Variants in BSDC1 observed in about 807,000 individuals in gnomAD.
BSDC1 encodes the protein BSD domain-containing protein 1.
Under a neutral mutation model 56.0 loss-of-function variants are expected in BSDC1, and 29 were observed. That is an observed-to-expected ratio of 0.52 (90% confidence interval 0.39 to 0.71). BSDC1 has a LOEUF of 0.71. Among genes scored for constraint, BSDC1 ranks in the 30% least tolerant of loss-of-function variants. BSDC1 has a pLI of 0.00. For missense variants in BSDC1, 477 were observed against 548.5 expected, an observed-to-expected ratio of 0.87 and a Z score of 1.30; for synonymous variants, 210 against 215.3, an observed-to-expected ratio of 0.98 and a Z score of 0.21.
chr1:32,382,467 AAAAAAAC>A (rs937220677), intron 4 of BSDC1, among the ~76,000 whole-genome samples: 47 of 151,604 alleles, frequency 3.1e-4, no homozygotes, highest in African/African-American at 6.3e-4. Flanking sequence ...CTATTTCAAA[AAAAAAAC>A]AAAAAACAAA....
intron 8 of BSDC1, among the ~76,000 whole-genome samples, chr1:32,377,149 A>G (rs1487005362): frequency 2.0e-5 from 3 of 152,102 alleles, no homozygotes; most frequent in Non-Finnish European, 4.4e-5. Flanking sequence ...ACGAAAAAAA[A>G]AAGACTCAAT....
intron 4 of BSDC1, 71 bp downstream of exon 4, chr1:32,383,759 G>A (rs1642567941): frequency 1.4e-6 from 2 of 1,454,868 alleles, no homozygotes; most frequent in Non-Finnish European, 9.6e-7. Context: ...CTGCTTTTGT[G>A]AGTACAGGAT....
intron 8 of BSDC1, among the ~76,000 whole-genome samples, chr1:32,377,092 C>A (rs531072068): frequency 6.6e-6 from 1 of 152,008 alleles, no homozygotes. Context: ...GCGGAGATTG[C>A]GCCACTGCAC....
rs1396422749 is a variant in BSDC1, at chr1:32,365,460, T to C, written c.*1162A>G. The C allele has an allele frequency of 6.6e-6, 1 of 152,090 alleles. No homozygotes were observed. The highest frequency in any genetic ancestry group is 1.5e-5 in the Non-Finnish European group (1 of 67,922). The allele number at this position is 152,090 out of a possible 1,614,324, so 9.4% of individuals were successfully genotyped here. On this transcript the variant is annotated 3_prime_UTR_variant, in exon 11 of 11. Coordinates refer to ENST00000455895, the MANE Select transcript of BSDC1 (RefSeq NM_018045.8). Reference sequence around the variant, plus strand: ...CTCGGTGTCCCTGACCCACGATCCCTTTCACTCATTGGTGAGCACACCAGA... The same window carrying C: ...CTCGGTGTCCCTGACCCACGATCCCCTTCACTCATTGGTGAGCACACCAGA...
At chr1:32,381,190 AC>A in intron 5 of BSDC1, 23 bp downstream of exon 5, 2 of 1,613,122 alleles carry the variant, frequency 1.2e-6, no homozygotes, top group Non-Finnish European at 1.7e-6. Context: ...CTACAAGCCC[AC>A]CCGCTCAGTG....
intron 2 of BSDC1, among the ~76,000 whole-genome samples, chr1:32,389,313 C>T (rs1231232335): frequency 1.3e-5 from 2 of 152,164 alleles, no homozygotes; most frequent in Non-Finnish European, 2.9e-5. Flanking sequence ...AACACAGGTC[C>T]TATGTGTTTT....
chr1:32,374,948 C>T (rs1570116445), intron 9 of BSDC1, among the ~76,000 whole-genome samples: 5 of 152,148 alleles, frequency 3.3e-5, no homozygotes, highest in Admixed American at 6.5e-5. Flanking sequence ...GTCAGGAGAT[C>T]GAGACCATCC....
At chr1:32,387,039 C>T (rs111613530) in intron 2 of BSDC1, 144 bp from the exon 3 acceptor site, 1 of 655,134 alleles carries the variant, frequency 1.5e-6, no homozygotes. Flanking sequence ...GCTCATTTGT[C>T]CCAATTCCAT....
intron 8 of BSDC1, among the ~76,000 whole-genome samples, chr1:32,377,350 T>C (rs1642328662): frequency 6.6e-6 from 1 of 152,134 alleles, no homozygotes; most frequent in African/African-American, 2.4e-5. Context: ...CTCTGCTACA[T>C]CCTAGGTGTA....
At chr1:32,367,666 T>C in intron 10 of BSDC1, 1 of 985,680 alleles carries the variant, frequency 1.0e-6, no homozygotes, top group South Asian at 4.7e-5. Flanking sequence ...AGCCTCTCAA[T>C]CTAAATGAGC....
At chr1:32,389,955 A>G (rs1265627922) in intron 2 of BSDC1, among the ~76,000 whole-genome samples, 2 of 149,898 alleles carry the variant, frequency 1.3e-5, no homozygotes, top group Non-Finnish European at 1.5e-5. Flanking sequence ...TCTGGGTAAC[A>G]GAGTGAGACC....
At chr1:32,392,403 T>C (rs1268636651) in intron 2 of BSDC1, among the ~76,000 whole-genome samples, 3 of 152,070 alleles carry the variant, frequency 2.0e-5, no homozygotes, top group Non-Finnish European at 4.4e-5. Flanking sequence ...AAAGGGAAAT[T>C]ACGTCTTTTC....
At chr1:32,367,481 C>T in intron 10 of BSDC1, 1 of 985,396 alleles carries the variant, frequency 1.0e-6, no homozygotes, top group Non-Finnish European at 1.2e-6. Flanking sequence ...AAAAAGGAGG[C>T]CCTTCACATG....
chr1:32,394,024 T>C (rs911403315), intron 2 of BSDC1, 56 bp downstream of exon 2: 6 of 1,561,094 alleles, frequency 3.8e-6, no homozygotes, highest in Non-Finnish European at 3.5e-6. Flanking sequence ...TGGACCAGGT[T>C]GCATTGAGGC....
intron 2 of BSDC1, among the ~76,000 whole-genome samples, chr1:32,392,727 T>G (rs1375592259): frequency 6.6e-6 from 1 of 152,192 alleles, no homozygotes; most frequent in Non-Finnish European, 1.5e-5. Flanking sequence ...GGGCTATTGC[T>G]GAGAGGCTGT....
intron 2 of BSDC1, among the ~76,000 whole-genome samples, chr1:32,390,845 A>G (rs1642842552): frequency 6.6e-6 from 1 of 152,148 alleles, no homozygotes; most frequent in Non-Finnish European, 1.5e-5. Context: ...CAGGAAGTGG[A>G]GGTTGCAGAG....
intron 2 of BSDC1, among the ~76,000 whole-genome samples, chr1:32,392,861 C>T (rs1393994796): frequency 6.6e-6 from 1 of 152,090 alleles, no homozygotes; most frequent in Non-Finnish European, 1.5e-5. Context: ...GTGAGGAGTT[C>T]GAGACCAGTC....
chr1:32,381,220 G>C lies in BSDC1; in HGVS notation c.406C>G (p.Pro136Ala), dbSNP rs1258596010. The C allele has an allele frequency of 3.1e-6, 5 of 1,613,740 alleles. No homozygotes were observed. Among genetic ancestry groups the C allele is most frequent in the Admixed American group, 1.7e-5 (1 of 59,990 alleles). ...CTCAGTGCTACCCTCTCACCATCTG[G>C]TTCATTACAGTAGGTTGCTGGGTCC... The part of the protein sequence containing the change: ...QSDPATYCNE[P>A]DGPPELFDAW... The change falls in exon 5 of 11, where the codon CCA becomes GCA. Residue 136 changes from proline (P) to alanine (A), a missense_variant. Coordinates refer to ENST00000455895, the MANE Select transcript of BSDC1 (RefSeq NM_018045.8).
At chr1:32,370,569 C>T (rs1344068834) in intron 9 of BSDC1, among the ~76,000 whole-genome samples, 2 of 151,614 alleles carry the variant, frequency 1.3e-5, no homozygotes, top group Admixed American at 1.3e-4. Context: ...TTTGGGAGGC[C>T]GAGACAGGTG....
Sources: gnomAD v4.1 joint callset for allele counts (sites outside exome capture counted in the v4.1 genomes callset) on GRCh38, gnomAD v4.1.1 for gene constraint, MANE v1.5 for transcripts, NCBI Gene and HGNC (gene_info 2026-07-23, HGNC 2026-07-21) for gene names.